DLG2: variants seen among roughly 807,000 people sequenced by gnomAD.
DLG2 encodes the protein disks large homolog 2.
Under a neutral mutation model 132.5 loss-of-function variants are expected in DLG2, and 45 were observed. The ratio of observed to expected loss-of-function variants is 0.34; its 90% CI spans 0.27 to 0.44. DLG2 has a LOEUF of 0.44. Ranked by LOEUF, DLG2 falls within the 20% of genes least tolerant of loss-of-function variation. The pLI is 1.00. For missense variants in DLG2, 1,045 were observed against 1,196.9 expected, an observed-to-expected ratio of 0.87 and a Z score of 1.87; for synonymous variants, 424 against 419.6, an observed-to-expected ratio of 1.01 and a Z score of -0.13.
intron 21 of DLG2, among the ~76,000 whole-genome samples, chr11:83,520,676 C>T (rs867703334): frequency 2.7e-5 from 2 of 73,696 alleles, no homozygotes; most frequent in South Asian, 8.7e-4. Context: ...GAAAGAAAGA[C>T]AGACAGGTAA....
intron 14 of DLG2, among the ~76,000 whole-genome samples, chr11:83,945,734 A>T (rs950181749): frequency 1.3e-5 from 2 of 151,480 alleles, no homozygotes; most frequent in African/African-American, 4.9e-5. Context: ...TTTGCACATT[A>T]TCACTAGTAG....
intron 6 of DLG2, among the ~76,000 whole-genome samples, chr11:84,849,125 G>A (rs2081875176): frequency 6.6e-6 from 1 of 152,194 alleles, no homozygotes; most frequent in Non-Finnish European, 1.5e-5. Context: ...ACCTCATAGA[G>A]ATGGAGAGAG....
At chr11:85,316,275 C>T (rs528479904) in intron 3 of DLG2, among the ~76,000 whole-genome samples, 12 of 152,056 alleles carry the variant, frequency 7.9e-5, no homozygotes, top group African/African-American at 2.7e-4. Flanking sequence ...ATTTAAAATG[C>T]TACTTCGATT....
At chr11:84,630,293 T>C (rs1001849690) in intron 6 of DLG2, among the ~76,000 whole-genome samples, 1 of 152,176 alleles carries the variant, frequency 6.6e-6, no homozygotes, top group African/African-American at 2.4e-5. Flanking sequence ...CAGAATCTTG[T>C]AGAAACCATT....
intron 3 of DLG2, among the ~76,000 whole-genome samples, chr11:85,334,686 A>AT (rs1221932774): frequency 1.3e-5 from 2 of 152,204 alleles, no homozygotes; most frequent in Admixed American, 1.3e-4. Flanking sequence ...TCTTTACCCA[A>AT]TAACAATTCT....
intron 8 of DLG2, among the ~76,000 whole-genome samples, chr11:84,250,000 T>TTGCAGAACCTGCTCAGGACC (rs2097350869): frequency 6.6e-6 from 1 of 152,182 alleles, no homozygotes; most frequent in Non-Finnish European, 1.5e-5. Context: ...GAGTCCCGGA[T>TTGCAGAACCTGCTCAGGACC]TGCAGAACCT....
chr11:85,269,259 A>T (rs2077386255), intron 4 of DLG2, among the ~76,000 whole-genome samples: 2 of 152,226 alleles, frequency 1.3e-5, no homozygotes, highest in African/African-American at 4.8e-5. Context: ...CTGCCTCAGA[A>T]AGCATGTCTG....
At chr11:83,732,120 T>C (rs1197603363) in intron 18 of DLG2, among the ~76,000 whole-genome samples, 1 of 152,198 alleles carries the variant, frequency 6.6e-6, no homozygotes, top group East Asian at 1.9e-4. Flanking sequence ...TTCGATCTAG[T>C]TAGTATGTTA....
chr11:84,541,338 C>T (rs903369317), intron 6 of DLG2, among the ~76,000 whole-genome samples: 13 of 151,926 alleles, frequency 8.6e-5, no homozygotes, highest in African/African-American at 2.9e-4. Context: ...GTTCATTTTG[C>T]CCCTGACTTC....
At chr11:84,316,555 A>G (rs2098358073) in intron 7 of DLG2, among the ~76,000 whole-genome samples, 1 of 152,186 alleles carries the variant, frequency 6.6e-6, no homozygotes, top group South Asian at 2.1e-4. Context: ...CTGCTAAAAG[A>G]CTATGATAAA....
At chr11:85,517,727 G>A (rs80109102) in intron 3 of DLG2, among the ~76,000 whole-genome samples, 8 of 152,066 alleles carry the variant, frequency 5.3e-5, no homozygotes, top group Admixed American at 1.3e-4. Context: ...ATCCTCCCAA[G>A]TAGCTGGTAC....
intron 18 of DLG2, among the ~76,000 whole-genome samples, chr11:83,774,636 A>G (rs1470156003): frequency 1.3e-5 from 2 of 152,082 alleles, no homozygotes; most frequent in Non-Finnish European, 2.9e-5. Context: ...CTGCTTCCCA[A>G]ACTCTGTGAA....
At chr11:84,611,745 C>T (rs990210818) in intron 6 of DLG2, among the ~76,000 whole-genome samples, 89 of 152,260 alleles carry the variant, frequency 5.8e-4, no homozygotes, top group African/African-American at 2.1e-3. Context: ...AAGATACTTT[C>T]ACCATTAGTA....
intron 4 of DLG2, among the ~76,000 whole-genome samples, chr11:85,245,520 C>G (rs115470021): frequency 7.8e-4 from 118 of 152,114 alleles, no homozygotes; most frequent in African/African-American, 2.7e-3. Context: ...CCTGGTCTGA[C>G]CCACACCATT....
chr11:85,343,663 C>G (rs2082647584), intron 3 of DLG2, among the ~76,000 whole-genome samples: 1 of 152,012 alleles, frequency 6.6e-6, no homozygotes, highest in African/African-American at 2.4e-5. Flanking sequence ...CACGCACATA[C>G]ATACACACAC....
intron 3 of DLG2, among the ~76,000 whole-genome samples, chr11:85,488,384 G>A (rs72953938): frequency 0.03 from 4,494 of 150,006 alleles, 100 homozygotes; most frequent in East Asian, 0.096. Context: ...GGGAGACTGC[G>A]TCTAAAAAAA....
chr11:84,600,847 A>G (rs1277348058), intron 6 of DLG2, among the ~76,000 whole-genome samples: 2 of 152,198 alleles, frequency 1.3e-5, no homozygotes, highest in Non-Finnish European at 2.9e-5. Flanking sequence ...AAAGAAGGAA[A>G]TAATTGCCTT....
At chr11:85,298,099 G>T (rs139951086) in intron 3 of DLG2, among the ~76,000 whole-genome samples, 1 of 152,194 alleles carries the variant, frequency 6.6e-6, no homozygotes, top group African/African-American at 2.4e-5. Context: ...ATCTGTGCTG[G>T]GGTGGCAGTA....
chr11:83,598,452 A>C (rs1054786580), intron 19 of DLG2, among the ~76,000 whole-genome samples: 2 of 152,230 alleles, frequency 1.3e-5, no homozygotes, highest in Admixed American at 6.5e-5. Context: ...ATGACAGTGT[A>C]GTAGAAAGAG....
Sources: allele counts gnomAD v4.1 joint callset (sites outside exome capture counted in the v4.1 genomes callset), GRCh38; gene constraint gnomAD v4.1.1; transcripts MANE v1.5; gene names NCBI Gene and HGNC (gene_info 2026-07-23, HGNC 2026-07-21).